PTPRC: variants seen among roughly 807,000 people sequenced by gnomAD.
The protein encoded by PTPRC is receptor-type tyrosine-protein phosphatase C.
A neutral mutation model predicts 155.9 loss-of-function variants in PTPRC; 44 were observed. The observed-to-expected ratio is 0.28, with a 90% confidence interval of 0.22 to 0.36. PTPRC has a LOEUF of 0.36. PTPRC is among the 10% of genes least tolerant of loss of function. PTPRC has a pLI of 1.00. For synonymous variants in PTPRC, 525 were observed against 533.1 expected (o/e 0.98, Z 0.21); for missense variants, 1,401 against 1,564.6 (o/e 0.90, Z 1.76).
chr1:198,747,284 G>C (rs1218448860), intron 26 of PTPRC, among the ~76,000 whole-genome samples: 1 of 151,242 alleles, frequency 6.6e-6, no homozygotes, highest in Non-Finnish European at 1.5e-5. Flanking sequence ...TATGTGCCAA[G>C]AGTTGAAGAA....
chr1:198,642,115 C>T (rs865995599), intron 2 of PTPRC, among the ~76,000 whole-genome samples: 82 of 152,110 alleles, frequency 5.4e-4, no homozygotes, highest in Middle Eastern at 3.4e-3. Flanking sequence ...GGAAAGACTA[C>T]GGCTAGGGCC....
chr1:198,680,071 G>C (rs934440237), intron 2 of PTPRC: 59 of 460,920 alleles, frequency 1.3e-4, no homozygotes, highest in Non-Finnish European at 2.1e-4. Flanking sequence ...GCGCAGCTGG[G>C]AGTGCCACTA....
At chr1:198,697,438 AAAACATTTTT>A (rs1412795383) in intron 4 of PTPRC, among the ~76,000 whole-genome samples, 1 of 152,230 alleles carries the variant, frequency 6.6e-6, no homozygotes, top group African/African-American at 2.4e-5. Context: ...TGCATCATTG[AAAACATTTTT>A]AATTAAGGTT....
intron 20 of PTPRC, among the ~76,000 whole-genome samples, chr1:198,733,686 A>G (rs574647436): frequency 6.6e-6 from 1 of 151,944 alleles, no homozygotes; most frequent in South Asian, 2.1e-4. Flanking sequence ...GAAAGTTATT[A>G]TATCTCTTAT....
chr1:198,641,299 ATTAT>A (rs1318231980), intron 2 of PTPRC, among the ~76,000 whole-genome samples: 3 of 152,040 alleles, frequency 2.0e-5, no homozygotes, highest in Non-Finnish European at 4.4e-5. Flanking sequence ...AATGCTTTAA[ATTAT>A]TTATTTTTCT....
intron 11 of PTPRC, among the ~76,000 whole-genome samples, chr1:198,711,396 A>G (rs1419244575): frequency 6.6e-6 from 1 of 152,198 alleles, no homozygotes; most frequent in Non-Finnish European, 1.5e-5. Context: ...CAGTGGGGGA[A>G]AAATAGTCTT....
chr1:198,722,416 G>T lies in PTPRC; in HGVS notation c.1660G>T (p.Ala554Ser), dbSNP rs1187048060. 2.1e-6 allele frequency: 3 copies of T among 1,431,992 alleles called. No homozygotes were observed. Among genetic ancestry groups the T allele is most frequent in the South Asian group, 1.7e-5 (1 of 58,590 alleles). The allele number at this position is 1,431,992 out of a possible 1,614,324, so 88.7% of individuals were successfully genotyped here. A position where few individuals can be genotyped will look rare whatever the true frequency, so the allele number is the denominator to read the frequency against. Residue 554 changes from alanine to serine, a missense_variant and splice_region_variant, in exon 15 of 33, where the codon GCC becomes TCC. Physicochemically the swap from Ala to Ser is moderately conservative, Grantham distance 99. Transcript: ENST00000442510. ...LQYSTDYTFK[A>S]YFHNGDYPGE... is the part of the protein sequence containing the mutation. ...TTTATTTTTTGTTACTGAAATTCAGGCCTATTTTCACAATGGAGACTATCC... is the reference window on the plus strand; with the variant it reads ...TTTATTTTTTGTTACTGAAATTCAGTCCTATTTTCACAATGGAGACTATCC...
At chr1:198,736,960 A>T (rs1654671483) in intron 23 of PTPRC, among the ~76,000 whole-genome samples, 1 of 151,622 alleles carries the variant, frequency 6.6e-6, no homozygotes, top group African/African-American at 2.4e-5. Flanking sequence ...CCACCTTTTT[A>T]TTTATCTGTT....
At chr1:198,691,506 C>T (rs1665923388) in intron 2 of PTPRC, among the ~76,000 whole-genome samples, 1 of 152,028 alleles carries the variant, frequency 6.6e-6, no homozygotes, top group Admixed American at 6.6e-5. Context: ...CGTAGGACAT[C>T]ATCTCTGTCT....
intron 2 of PTPRC, among the ~76,000 whole-genome samples, chr1:198,642,398 A>G (rs1237134432): frequency 4.6e-5 from 7 of 151,372 alleles, no homozygotes; most frequent in Non-Finnish European, 1.0e-4. Flanking sequence ...CTATCTATCT[A>G]TCAGTTCTCC....
chr1:198,740,480 A>T (rs1402138485), intron 23 of PTPRC, among the ~76,000 whole-genome samples: 1 of 151,764 alleles, frequency 6.6e-6, no homozygotes, highest in Non-Finnish European at 1.5e-5. Flanking sequence ...TACTTGGGAG[A>T]CTGAGGCAGT....
chr1:198,730,520 C>T (rs1024137764), intron 17 of PTPRC, among the ~76,000 whole-genome samples: 2 of 151,966 alleles, frequency 1.3e-5, no homozygotes, highest in African/African-American at 4.8e-5. Flanking sequence ...CATAGGGTAT[C>T]GTGAGGATTC....
intron 32 of PTPRC, among the ~76,000 whole-genome samples, chr1:198,755,048 A>G (rs748055421): frequency 2.6e-5 from 4 of 152,078 alleles, no homozygotes; most frequent in Non-Finnish European, 5.9e-5. Flanking sequence ...CTTGTGTGAG[A>G]CCACTTGAGG....
In PTPRC at chr1:198,705,632, G is replaced by A. The variant is rs189522818; in HGVS notation, c.686-1102G>A. Among the ~76,000 whole-genome samples, 94 of 151,762 alleles carry A rather than the reference G, an allele frequency of 6.2e-4. No individual in the cohort carries two copies. In the East Asian group the frequency reaches 8.3e-3, roughly 13 times the overall value. ...GATTGGGATTCACCATGTTGCCCACGCTGGTCTTGAACTCCTGACCTCAGG... is the reference window on the plus strand; with the variant it reads ...GATTGGGATTCACCATGTTGCCCACACTGGTCTTGAACTCCTGACCTCAGG... On this transcript the variant is annotated intron_variant, in intron 8 of 32. Coordinates refer to ENST00000442510, the MANE Select transcript of PTPRC (RefSeq NM_002838.5).
At chr1:198,695,773 A>T (rs1275046800) in intron 3 of PTPRC, among the ~76,000 whole-genome samples, 1 of 152,166 alleles carries the variant, frequency 6.6e-6, no homozygotes, top group Non-Finnish European at 1.5e-5. Context: ...ATTTTTGTAG[A>T]CTTTGGTTGT....
chr1:198,677,901 C>T (rs892977374), intron 2 of PTPRC, among the ~76,000 whole-genome samples: 1 of 151,626 alleles, frequency 6.6e-6, no homozygotes, highest in Non-Finnish European at 1.5e-5. Context: ...TAGGTCATTC[C>T]GAGGAGAATA....
chr1:198,744,982 T>C (rs1281558370), intron 26 of PTPRC, among the ~76,000 whole-genome samples: 1 of 151,824 alleles, frequency 6.6e-6, no homozygotes, highest in Non-Finnish European at 1.5e-5. Flanking sequence ...CCTGTACTTA[T>C]AATGGAAGAA....
intron 2 of PTPRC, among the ~76,000 whole-genome samples, chr1:198,676,582 G>T (rs1022450400): frequency 5.3e-5 from 8 of 152,096 alleles, no homozygotes; most frequent in African/African-American, 1.9e-4. Flanking sequence ...CCATTGCCTT[G>T]CATAGAGATA....
chr1:198,702,614 G>T (rs1270292667), intron 6 of PTPRC, 84 bp downstream of exon 6: 1 of 1,545,644 alleles, frequency 6.5e-7, no homozygotes, highest in African/African-American at 1.4e-5. Flanking sequence ...CTTTTATTTT[G>T]TGCCAGATAT....
Sources: allele counts gnomAD v4.1 joint callset (sites outside exome capture counted in the v4.1 genomes callset), GRCh38; gene constraint gnomAD v4.1.1; transcripts MANE v1.5; gene names NCBI Gene and HGNC (gene_info 2026-07-23, HGNC 2026-07-21).